Variants in STARD13 observed in about 807,000 individuals in gnomAD.
The protein encoded by STARD13 is StAR related lipid transfer domain containing 13.
A neutral mutation model predicts 106.4 loss-of-function variants in STARD13; 62 were observed. The observed-to-expected ratio is 0.58, with a 90% CI of 0.48 to 0.72. The LOEUF is 0.72. Among genes scored for constraint, STARD13 ranks in the 30% least tolerant of loss-of-function variants. The pLI is 0.00. For missense variants in STARD13, 1,387 were observed against 1,424.0 expected, an observed-to-expected ratio of 0.97 and a Z score of 0.42; for synonymous variants, 565 against 553.0, an observed-to-expected ratio of 1.02 and a Z score of -0.31.
chr13:33,542,517 G>T, the STARD13 span, among the ~76,000 whole-genome samples: 1 of 152,220 alleles, frequency 6.6e-6, no homozygotes, highest in Non-Finnish European at 1.5e-5. Flanking sequence ...CACGCAGACC[G>T]CGCCTACGTC....
At chr13:33,365,126 G>A in the STARD13 span, among the ~76,000 whole-genome samples, 1 of 152,100 alleles carries the variant, frequency 6.6e-6, no homozygotes, top group Admixed American at 6.5e-5. Context: ...TGAAGGGACT[G>A]AGGCTCACCT....
At chr13:33,375,912 T>A in the STARD13 span, among the ~76,000 whole-genome samples, 1 of 152,088 alleles carries the variant, frequency 6.6e-6, no homozygotes, top group Admixed American at 6.6e-5. Context: ...CCACATTACT[T>A]TACATACTTA....
chr13:33,206,480 A>G (rs1219167785), intron 1 of STARD13, among the ~76,000 whole-genome samples: 1 of 152,238 alleles, frequency 6.6e-6, no homozygotes, highest in Non-Finnish European at 1.5e-5. Context: ...AAAATAGGAT[A>G]TAACAAAATC....
the STARD13 span, among the ~76,000 whole-genome samples, chr13:33,492,182 T>C: frequency 6.6e-6 from 1 of 152,188 alleles, no homozygotes; most frequent in Non-Finnish European, 1.5e-5. Flanking sequence ...ATTCTTCAGT[T>C]ACTTCAGGCC....
chr13:33,664,905 C>T, the STARD13 span, among the ~76,000 whole-genome samples: 3 of 152,352 alleles, frequency 2.0e-5, no homozygotes, highest in African/African-American at 4.8e-5. Flanking sequence ...GGATTACAGG[C>T]GTGAGCCACT....
At chr13:33,377,164 A>C in the STARD13 span, among the ~76,000 whole-genome samples, 64 of 152,376 alleles carry the variant, frequency 4.2e-4, 1 homozygote, top group East Asian at 0.012. Context: ...AACAAAATTA[A>C]GCAAAAGCTA....
intron 3 of STARD13, among the ~76,000 whole-genome samples, chr13:33,153,993 C>T (rs968253958): frequency 7.9e-5 from 12 of 152,168 alleles, no homozygotes; most frequent in Admixed American, 2.0e-4. Context: ...TCCTCCTCCT[C>T]GGGCTGTAGC....
the STARD13 span, among the ~76,000 whole-genome samples, chr13:33,590,110 A>G: frequency 6.6e-6 from 1 of 152,160 alleles, no homozygotes; most frequent in Non-Finnish European, 1.5e-5. Context: ...GCTCATCATT[A>G]GTGGCTCTCA....
At chr13:33,164,940 T>C (rs1265556002) in intron 3 of STARD13, among the ~76,000 whole-genome samples, 1 of 152,184 alleles carries the variant, frequency 6.6e-6, no homozygotes, top group African/African-American at 2.4e-5. Context: ...TCACCACACA[T>C]GCTGAGCCTG....
At chr13:33,673,959 C>A in the STARD13 span, among the ~76,000 whole-genome samples, 25 of 151,720 alleles carry the variant, frequency 1.6e-4, no homozygotes, top group African/African-American at 6.1e-4. Flanking sequence ...CTCCTGGGTT[C>A]AAGCAGTTCT....
the STARD13 span, among the ~76,000 whole-genome samples, chr13:33,414,505 C>T: frequency 1.3e-5 from 2 of 152,068 alleles, no homozygotes; most frequent in Admixed American, 6.5e-5. Context: ...CCTAGATGAA[C>T]CTCTAGAGAA....
At chr13:33,236,802 A>G (rs1048971748) in intron 1 of STARD13, among the ~76,000 whole-genome samples, 1 of 152,196 alleles carries the variant, frequency 6.6e-6, no homozygotes. Flanking sequence ...TAGCTACTCA[A>G]TAGCTTTCTT....
At chr13:33,247,195 T>C (rs546222119) in intron 1 of STARD13, among the ~76,000 whole-genome samples, 37 of 150,542 alleles carry the variant, frequency 2.5e-4, no homozygotes, top group Non-Finnish European at 4.1e-4. Context: ...AGACTCTGTC[T>C]CGGATAAATA....
intron 1 of STARD13, among the ~76,000 whole-genome samples, chr13:33,227,564 G>A (rs986465752): frequency 1.3e-5 from 2 of 151,998 alleles, no homozygotes; most frequent in Non-Finnish European, 2.9e-5. Flanking sequence ...TGAAATTCCT[G>A]TTCTTGTTTA....
the STARD13 span, among the ~76,000 whole-genome samples, chr13:33,671,128 T>C: frequency 6.6e-6 from 1 of 152,242 alleles, no homozygotes. Flanking sequence ...AATAGTTTGA[T>C]TTTTTATTTC....
the STARD13 span, among the ~76,000 whole-genome samples, chr13:33,386,239 A>G: frequency 6.6e-6 from 1 of 152,224 alleles, no homozygotes; most frequent in African/African-American, 2.4e-5. Flanking sequence ...CATAATTGAA[A>G]TATCCAGTCC....
chr13:33,557,070 G>A, the STARD13 span, among the ~76,000 whole-genome samples: 1 of 152,164 alleles, frequency 6.6e-6, no homozygotes, highest in Admixed American at 6.5e-5. Flanking sequence ...TCAATCTGTA[G>A]AGCACCAATG....
the STARD13 span, among the ~76,000 whole-genome samples, chr13:33,550,467 A>C: frequency 6.6e-6 from 1 of 152,196 alleles, no homozygotes; most frequent in African/African-American, 2.4e-5. Flanking sequence ...TGGTGCAATA[A>C]TGCCGAAACA....
chr13:33,226,295 T>G (rs1291752331), intron 1 of STARD13, among the ~76,000 whole-genome samples: 1 of 152,230 alleles, frequency 6.6e-6, no homozygotes, highest in Non-Finnish European at 1.5e-5. Flanking sequence ...CATTTTTTTA[T>G]AAATAAGTTG....
Sources: allele counts gnomAD v4.1 joint callset (sites outside exome capture counted in the v4.1 genomes callset), GRCh38; gene constraint gnomAD v4.1.1; transcripts MANE v1.5; gene names NCBI Gene and HGNC (gene_info 2026-07-23, HGNC 2026-07-21).